Variants in AKR1E2 observed in about 807,000 individuals in gnomAD.
AKR1E2 encodes 1,5-anhydro-D-fructose reductase.
In AKR1E2, 43 loss-of-function variants were observed where a neutral mutation model predicts 41.9. The ratio of observed to expected loss-of-function variants is 1.03; its 90% CI spans 0.80 to 1.32. The LOEUF is 1.32. AKR1E2 is among the 40% of genes most tolerant of loss of function. The pLI is 0.00. For missense variants in AKR1E2, 423 were observed against 396.5 expected (o/e 1.07, Z -0.57); for synonymous variants, 121 against 138.9 (o/e 0.87, Z 0.91).
At chr10:4,842,982 A>G (rs1834010047) in intron 8 of AKR1E2, among the ~76,000 whole-genome samples, 1 of 152,200 alleles carries the variant, frequency 6.6e-6, no homozygotes, top group Non-Finnish European at 1.5e-5. Flanking sequence ...ACTCCTGTCT[A>G]GTGACTTCTG....
At position 4,831,577 on chromosome 10, in the gene AKR1E2, C is replaced by T. The variant is rs190500077; in HGVS notation, c.207+735C>T. 6.4e-3 allele frequency among the ~76,000 whole-genome samples: 981 copies of T among 152,274 alleles called. 3 individuals carry two copies. The highest frequency in any genetic ancestry group is 0.011 in the Non-Finnish European group (722 of 68,028). On this transcript the variant is annotated intron_variant, in intron 2 of 9. Coordinates refer to ENST00000298375, the MANE Select transcript of AKR1E2 (RefSeq NM_001040177.3). ...ACCAGAACAGCATAGGAAAAACTTG[C>T]CCCCATGATTCAGTTACCTCCCACT...
chr10:4,838,585 A>C (rs375167973), intron 5 of AKR1E2, among the ~76,000 whole-genome samples: 26 of 152,144 alleles, frequency 1.7e-4, no homozygotes, highest in African/African-American at 5.8e-4. Context: ...AGGCATACAT[A>C]GCTTGATGAA....
chr10:4,848,571 T>C (rs1489162501), downstream of AKR1E2, among the ~76,000 whole-genome samples: 1 of 152,200 alleles, frequency 6.6e-6, no homozygotes, highest in Non-Finnish European at 1.5e-5. Context: ...CAGAAAGAAA[T>C]TGATGTCTAC....
intron 1 of AKR1E2, among the ~76,000 whole-genome samples, chr10:4,827,685 GT>G (rs1832655465): frequency 6.6e-6 from 1 of 152,080 alleles, no homozygotes; most frequent in Non-Finnish European, 1.5e-5. Context: ...GAGTCAGAAT[GT>G]TCAAGGCCTG....
chr10:4,837,442 G>T lies in AKR1E2; in HGVS notation c.460-17G>T. 6.2e-7 allele frequency: 1 copy of T among 1,613,478 alleles called. No individual in the cohort carries two copies. Among genetic ancestry groups the T allele is most frequent in the South Asian group, 1.1e-5 (1 of 91,044 alleles). ...GTAGACAGAAGCTTCACACCCAGCA[G>T]AGTCGTTCTCTTATAGGCCATGGAG... On this transcript the variant is annotated splice_polypyrimidine_tract_variant and intron_variant, in intron 4 of 9. Coordinates refer to ENST00000298375, the MANE Select transcript of AKR1E2 (RefSeq NM_001040177.3).
intron 2 of AKR1E2, among the ~76,000 whole-genome samples, chr10:4,832,783 A>G (rs1833075135): frequency 6.6e-6 from 1 of 151,092 alleles, no homozygotes; most frequent in South Asian, 2.1e-4. Flanking sequence ...CCTTGCTGTG[A>G]TGGAGCCTTC....
At chr10:4,829,696 G>A (rs2924273) in intron 1 of AKR1E2, among the ~76,000 whole-genome samples, 135,104 of 152,124 alleles carry the variant, frequency 0.89, 61,023 homozygotes, top group East Asian at 0.98. Context: ...ATTTTTCCAA[G>A]TTATTGACAT....
chr10:4,833,325 G>A (rs1297786073), intron 2 of AKR1E2, 25 bp from the exon 3 acceptor site: 4 of 1,593,944 alleles, frequency 2.5e-6, no homozygotes, highest in Non-Finnish European at 2.6e-6. Flanking sequence ...GGGCACGTGT[G>A]ACGCTGGTCC....
intron 1 of AKR1E2, among the ~76,000 whole-genome samples, chr10:4,827,225 C>A (rs568619758): frequency 6.6e-6 from 1 of 152,060 alleles, no homozygotes; most frequent in African/African-American, 2.4e-5. Flanking sequence ...TGGGGTGCAG[C>A]GTAATGTTTT....
intron 1 of AKR1E2, among the ~76,000 whole-genome samples, chr10:4,830,427 C>G (rs1051356212): frequency 6.6e-6 from 1 of 152,106 alleles, no homozygotes; most frequent in South Asian, 2.1e-4. Flanking sequence ...CCATCTAGCT[C>G]AGTTTTCTGC....
At chr10:4,829,403 A>T (rs1345776025) in intron 1 of AKR1E2, among the ~76,000 whole-genome samples, 2 of 152,116 alleles carry the variant, frequency 1.3e-5, no homozygotes, top group African/African-American at 4.8e-5. Context: ...TTACTTATGA[A>T]TTTTGCAACG....
intron 5 of AKR1E2, 49 bp downstream of exon 5, chr10:4,837,630 C>G: frequency 6.3e-7 from 1 of 1,587,644 alleles, no homozygotes; most frequent in Non-Finnish European, 8.6e-7. Flanking sequence ...GCTGGTCCCC[C>G]AGCTGCCACC....
At chr10:4,827,555 C>T (rs186341967) in intron 1 of AKR1E2, among the ~76,000 whole-genome samples, 44 of 151,944 alleles carry the variant, frequency 2.9e-4, no homozygotes, top group Non-Finnish European at 5.9e-5. Context: ...ACAATTCCTG[C>T]CAGTGATTTG....
chr10:4,844,880 G>T (rs1834199464), intron 8 of AKR1E2, among the ~76,000 whole-genome samples: 1 of 152,234 alleles, frequency 6.6e-6, no homozygotes, highest in Non-Finnish European at 1.5e-5. Flanking sequence ...GGGGCCGCAG[G>T]TGAAGGCGCC....
chr10:4,859,444 T>A, the AKR1E2 span, among the ~76,000 whole-genome samples: 4 of 152,136 alleles, frequency 2.6e-5, no homozygotes, highest in Non-Finnish European at 1.5e-5. Context: ...AGTTATTTGA[T>A]ATGTGAGAGA....
At chr10:4,843,828 TCTC>T (rs1834078919) in intron 8 of AKR1E2, among the ~76,000 whole-genome samples, 1 of 152,182 alleles carries the variant, frequency 6.6e-6, no homozygotes, top group Non-Finnish European at 1.5e-5. Context: ...CGCATGCCCT[TCTC>T]CTCTCCTTTC....
chr10:4,872,147 C>T, the AKR1E2 span, among the ~76,000 whole-genome samples: 1 of 152,164 alleles, frequency 6.6e-6, no homozygotes. Context: ...GGCACACATT[C>T]ACAAATATAC....
rs1395566692 is a variant in AKR1E2 at position 4,835,809 on chromosome 10, G to A, written c.459G>A (p.Glu153=). The part of the protein sequence containing the change: ...PSDTDFLDTW[E]AMEDLVITGL... The stretch of plus-strand genomic sequence containing the variant: ...ACACGGACTTCCTGGACACGTGGGA[G>A]GTGAGCTGAGCCACACCACCAGGCA... Residue 153 remains glutamate, a splice_region_variant and synonymous_variant, in exon 4 of 10, where the codon GAG becomes GAA. Transcript: ENST00000298375. 3.1e-6 allele frequency: 5 copies of A among 1,613,620 alleles called. No homozygotes were observed. Among genetic ancestry groups the A allele is most frequent in the Non-Finnish European group, 4.2e-6 (5 of 1,179,958 alleles).
intron 1 of AKR1E2, 44 bp downstream of exon 1, chr10:4,826,407 C>G (rs1051434355): frequency 6.5e-6 from 8 of 1,230,806 alleles, no homozygotes; most frequent in Admixed American, 4.2e-5. Flanking sequence ...CCTAGGGGAG[C>G]GCGGGACTTG....
Sources: allele counts gnomAD v4.1 joint callset (sites outside exome capture counted in the v4.1 genomes callset), GRCh38; gene constraint gnomAD v4.1.1; transcripts MANE v1.5; gene names NCBI Gene and HGNC (gene_info 2026-07-23, HGNC 2026-07-21).